The following NTPCR variants were observed in gnomAD, a reference collection of about 807,000 sequenced individuals.
NTPCR encodes the protein cancer-related nucleoside-triphosphatase.
In NTPCR, 15 loss-of-function variants were observed where a neutral mutation model predicts 19.5. The ratio of observed to expected loss-of-function variants is 0.77; its 90% CI spans 0.51 to 1.18. The LOEUF (loss-of-function observed/expected upper bound fraction) is 1.18. NTPCR is among the 50% of genes most tolerant of loss of function. The pLI is 0.00. For missense variants in NTPCR, 206 were observed against 240.4 expected (o/e 0.86, Z 0.95); for synonymous variants, 90 against 95.8 (o/e 0.94, Z 0.36).
intron 4 of NTPCR, 48 bp from the exon 5 acceptor site, chr1:232,978,115 A>C: frequency 6.7e-7 from 1 of 1,489,438 alleles, no homozygotes; most frequent in Non-Finnish European, 9.4e-7. Context: ...ACAAGATTGA[A>C]GAAGAGGAAA....
rs953287153 is a variant in NTPCR at position 232,955,457 on chromosome 1, A to G, written c.35-100A>G. ...TTTACAGCCCATTTCTCTACCCACC[A>G]TAATTGCTGCCTCAGAGTCCACAAG... On this transcript the variant is annotated intron_variant, in intron 1 of 4. Coordinates refer to ENST00000366628, the MANE Select transcript of NTPCR (RefSeq NM_032324.3). The G allele has an allele frequency of 1.5e-5, 14 of 944,672 alleles. No individual in the cohort carries two copies. In the East Asian group the frequency reaches 1.7e-4, roughly 11 times the overall value. 58.5% of individuals were successfully genotyped at this position (944,672 alleles called of 1,614,324 possible).
intron 3 of NTPCR, chr1:232,962,013 A>G (rs1042418641): frequency 3.3e-5 from 5 of 152,186 alleles, no homozygotes; most frequent in Non-Finnish European, 7.3e-5. Flanking sequence ...TCTTCAAAAA[A>G]TGGCCTTGTT....
chr1:232,960,755 A>G (rs1668650124), intron 3 of NTPCR, among the ~76,000 whole-genome samples: 4 of 152,148 alleles, frequency 2.6e-5, no homozygotes, highest in Admixed American at 2.6e-4. Context: ...GTTTTTGGAA[A>G]GCCTCTAGTA....
rs540189823 is a variant in NTPCR at position 232,983,174 on chromosome 1, T to C, written c.*4943T>C. On this transcript the variant is annotated 3_prime_UTR_variant, in exon 5 of 5. Transcript: ENST00000366628. ...TCTCCTCAAATTTCCAAATCCTAAA[T>C]ACTTTGAAGAAATTTGTGTGACTGT... The C allele has an allele frequency of 6.6e-6, 1 of 152,328 alleles. No homozygotes were observed. Among genetic ancestry groups the C allele is most frequent in the East Asian group, 1.9e-4 (1 of 5,186 alleles). 9.4% of individuals were successfully genotyped at this position (152,328 alleles called of 1,614,324 possible).
chr1:232,960,272 G>T (rs1668634868), intron 3 of NTPCR, among the ~76,000 whole-genome samples: 1 of 149,518 alleles, frequency 6.7e-6, no homozygotes, highest in South Asian at 2.1e-4. Context: ...TCCAGGAGAG[G>T]CTCAGGAGGG....
At chr1:232,960,360 T>A (rs1668637186) in intron 3 of NTPCR, among the ~76,000 whole-genome samples, 1 of 151,536 alleles carries the variant, frequency 6.6e-6, no homozygotes, top group East Asian at 1.9e-4. Context: ...TTTTTTTTTT[T>A]TGAGACAGAG....
chr1:232,971,078 A>G (rs561336635), intron 4 of NTPCR, among the ~76,000 whole-genome samples: 20 of 152,376 alleles, frequency 1.3e-4, no homozygotes, highest in Admixed American at 3.3e-4. Context: ...GAAGGGACTC[A>G]TGGCATTGCT....
intron 3 of NTPCR, among the ~76,000 whole-genome samples, chr1:232,959,940 G>A (rs1010187735): frequency 1.3e-5 from 2 of 152,106 alleles, no homozygotes; most frequent in African/African-American, 4.8e-5. Context: ...ACTGGTTGCA[G>A]CGGCTCATGT....
intron 3 of NTPCR, chr1:232,962,098 C>T (rs745457861): frequency 6.6e-6 from 1 of 152,126 alleles, no homozygotes; most frequent in South Asian, 2.1e-4. Flanking sequence ...GGCATGAACT[C>T]ACTTAATCCT....
At chr1:232,952,805 A>C (rs1265741688) in intron 1 of NTPCR, among the ~76,000 whole-genome samples, 1 of 151,848 alleles carries the variant, frequency 6.6e-6, no homozygotes, top group East Asian at 1.9e-4. Flanking sequence ...CCTCTCAAAG[A>C]GGTCACTTTT....
At chr1:232,959,581 GAA>G (rs1314305977) in intron 3 of NTPCR, among the ~76,000 whole-genome samples, 1 of 152,054 alleles carries the variant, frequency 6.6e-6, no homozygotes, top group African/African-American at 2.4e-5. Context: ...AAAATGAAAA[GAA>G]TATTAATTAA....
intron 1 of NTPCR, 119 bp downstream of exon 1, chr1:232,950,863 C>T (rs1227991992): frequency 3.1e-6 from 2 of 645,302 alleles, no homozygotes; most frequent in South Asian, 1.9e-5. Context: ...TCTGAAGTTC[C>T]CAATTTAAAT....
rs373963313 is a variant in NTPCR at position 232,974,792 on chromosome 1, A to C, written c.505-3371A>C. On this transcript the variant is annotated intron_variant, in intron 4 of 4. Transcript: ENST00000366628. ...CAGTAACCCAGTCCTGCCATAACTC[A>C]CTCCCTCCCACTATAATGGCATTAA... Among the ~76,000 whole-genome samples the C allele has an allele frequency of 3.5e-4, 53 of 151,888 alleles. 1 individual carries two copies. The highest frequency in any genetic ancestry group is 8.4e-4 in the South Asian group (4 of 4,788).
intron 3 of NTPCR, chr1:232,963,861 G>GTGTGTT (rs1165939009): frequency 1.3e-5 from 2 of 151,850 alleles, no homozygotes; most frequent in Non-Finnish European, 2.9e-5. Flanking sequence ...GTGTGTGTGT[G>GTGTGTT]TGTGTGTTTG....
intron 4 of NTPCR, 109 bp from the exon 5 acceptor site, chr1:232,978,051 CATA>C (rs1669190790): frequency 1.2e-6 from 1 of 827,006 alleles, no homozygotes; most frequent in Non-Finnish European, 1.9e-6. Context: ...GGTAACAAAA[CATA>C]CCTCACCCTC....
chr1:232,965,147 G>A (rs1469375068), intron 3 of NTPCR: 1 of 152,174 alleles, frequency 6.6e-6, no homozygotes, highest in East Asian at 1.9e-4. Flanking sequence ...CAAATAAATT[G>A]AGGTTTTGTG....
At chr1:232,955,518 T>C in intron 1 of NTPCR, 39 bp from the exon 2 acceptor site, 3 of 1,477,246 alleles carry the variant, frequency 2.0e-6, no homozygotes, top group South Asian at 2.7e-5. Flanking sequence ...TGTTTCCTAA[T>C]GGGCTTTTCT....
At chr1:232,957,408 A>G (rs1571954382) in intron 3 of NTPCR, among the ~76,000 whole-genome samples, 1 of 152,204 alleles carries the variant, frequency 6.6e-6, no homozygotes, top group South Asian at 2.1e-4. Context: ...TTGTTGAATC[A>G]GTTGTGGTAA....
chr1:232,976,284 C>CA (rs1416655612), intron 4 of NTPCR: 1 of 1,421,054 alleles, frequency 7.0e-7, no homozygotes, highest in Non-Finnish European at 9.2e-7. Context: ...TGATGACATT[C>CA]AAAATCTTCT....
Sources: gnomAD v4.1 joint callset for allele counts (sites outside exome capture counted in the v4.1 genomes callset) on GRCh38, gnomAD v4.1.1 for gene constraint, MANE v1.5 for transcripts, NCBI Gene and HGNC (gene_info 2026-07-23, HGNC 2026-07-21) for gene names.